The following CATSPERG variants were observed in gnomAD, a reference collection of about 807,000 sequenced individuals.
CATSPERG encodes cation channel sperm-associated auxiliary subunit gamma.
CATSPERG carries 115 observed loss-of-function variants against 145.0 expected under a neutral mutation model. That is an observed-to-expected ratio of 0.79 (90% confidence interval 0.68 to 0.93). The LOEUF (loss-of-function observed/expected upper bound fraction) is 0.93. Among genes scored for constraint, CATSPERG ranks in the 40% least tolerant of loss-of-function variants. The probability of loss-of-function intolerance (pLI) is 0.00; values close to 1 mark genes in which losing one functional copy is unlikely to be tolerated. For missense variants in CATSPERG, 1,296 were observed against 1,490.1 expected, an observed-to-expected ratio of 0.87 and a Z score of 2.14; for synonymous variants, 588 against 589.0, an observed-to-expected ratio of 1.00 and a Z score of 0.02.
At chr19:38,366,687 G>C (rs1340282747) in intron 22 of CATSPERG, 1 of 157,442 alleles carries the variant, frequency 6.4e-6, no homozygotes, top group Non-Finnish European at 1.4e-5. Context: ...GGAGAGAACA[G>C]GCAGGCTCTC....
chr19:38,362,871 GTTTTTTTTTTTTTTTT>G, intron 20 of CATSPERG, 39 bp downstream of exon 20: 10 of 451,882 alleles, frequency 2.2e-5, no homozygotes, highest in Non-Finnish European at 3.8e-5. Flanking sequence ...GGGAGGTTTT[GTTTTTTTTTTTTTTTT>G]TTTTTTTTGG....
At chr19:38,347,940 CAAAA>C (rs887808428) in intron 7 of CATSPERG, among the ~76,000 whole-genome samples, 12 of 102,552 alleles carry the variant, frequency 1.2e-4, no homozygotes, top group East Asian at 2.8e-4. Flanking sequence ...GACTCTGTCT[CAAAA>C]AAAAAAAAAA....
In CATSPERG at chr19:38,337,205, C is replaced by T. The variant is rs779165165; in HGVS notation, c.-14-16C>T. ...GAGCTGTCCGGCGCGTGGGTGTTGA[C>T]TCCTGCGTTCTCCAGGTTCTAGCCA... On this transcript the variant is annotated splice_polypyrimidine_tract_variant and intron_variant, in intron 1 of 28. Transcript: ENST00000409235. 256 of 1,547,870 alleles carry T rather than the reference C, an allele frequency of 1.7e-4. No homozygotes were observed. The highest frequency in any genetic ancestry group is 2.2e-4 in the Non-Finnish European group (247 of 1,145,308).
intron 20 of CATSPERG, 37 bp from the exon 21 acceptor site, chr19:38,364,854 C>T: frequency 6.6e-7 from 1 of 1,515,672 alleles, no homozygotes; most frequent in Non-Finnish European, 9.2e-7. Flanking sequence ...GACCTGTTCA[C>T]CCCTTCATTT....
intron 7 of CATSPERG, among the ~76,000 whole-genome samples, chr19:38,347,877 G>A (rs1970066563): frequency 6.6e-6 from 1 of 150,958 alleles, no homozygotes; most frequent in Admixed American, 6.6e-5. Context: ...GGAGGCGGAA[G>A]TTGCAGTGAG....
chr19:38,360,669 G>A, intron 15 of CATSPERG, 22 bp downstream of exon 15: 2 of 1,614,132 alleles, frequency 1.2e-6, no homozygotes, highest in Non-Finnish European at 1.7e-6. Context: ...AGCTATGCGG[G>A]GACATCGGGG....
chr19:38,356,559 A>G lies in CATSPERG; in HGVS notation c.1195+16A>G. 1 of 1,612,880 alleles carries G rather than the reference A, an allele frequency of 6.2e-7. No individual in the cohort carries two copies. Among genetic ancestry groups the G allele is most frequent in the Non-Finnish European group, 8.5e-7 (1 of 1,179,362 alleles). On this transcript the variant is annotated intron_variant, in intron 10 of 28. Coordinates refer to ENST00000409235, the MANE Select transcript of CATSPERG (RefSeq NM_021185.5). ...CAGATAGGAGGTACTCATTACCCCG[A>G]TGGGTCTGCGGTGGGAGGCTGGGGG...
At chr19:38,365,184 C>A in intron 22 of CATSPERG, 67 bp downstream of exon 22, 1 of 1,368,300 alleles carries the variant, frequency 7.3e-7, no homozygotes, top group Non-Finnish European at 1.0e-6. Context: ...CAGGGCTAAT[C>A]CCCCTGAGAA....
At position 38,362,575 on chromosome 19, in the gene CATSPERG, G is replaced by A; in HGVS notation, c.2356+1G>A. On this transcript the variant is annotated splice_donor_variant, in intron 19 of 28. Coordinates refer to ENST00000409235, the MANE Select transcript of CATSPERG (RefSeq NM_021185.5). LOFTEE classifies it high-confidence loss of function. ...TCGTTCCGGACGCAGTCAGAACTCG[G>A]TCTGCGCGGGACCAGAGTGGAGCCC... The A allele has an allele frequency of 1.2e-6, 2 of 1,613,856 alleles. No homozygotes were observed. Among genetic ancestry groups the A allele is most frequent in the South Asian group, 2.2e-5 (2 of 91,088 alleles).
At chr19:38,347,133 C>G (rs1458622618) in intron 7 of CATSPERG, among the ~76,000 whole-genome samples, 4 of 152,130 alleles carry the variant, frequency 2.6e-5, no homozygotes, top group Non-Finnish European at 4.4e-5. Flanking sequence ...ATTGCTTGAG[C>G]CTGGGACTTT....
At chr19:38,363,101 C>G (rs961952869) in intron 20 of CATSPERG, among the ~76,000 whole-genome samples, 2 of 151,990 alleles carry the variant, frequency 1.3e-5, no homozygotes, top group Admixed American at 6.6e-5. Context: ...TGCAATGGCA[C>G]GATCTCGGCT....
Position 38,366,348 on chromosome 19 carries a change from A to G in CATSPERG, c.2614-808A>G, listed in dbSNP as rs569961296. The G allele has an allele frequency of 2.0e-5, 3 of 152,410 alleles. No individual in the cohort carries two copies. In the East Asian group the frequency reaches 5.8e-4, roughly 29 times the overall value. 9.4% of individuals were successfully genotyped at this position (152,410 alleles called of 1,614,324 possible). A position where few individuals can be genotyped will look rare whatever the true frequency, so the allele number is the denominator to read the frequency against. Reference sequence around the variant, plus strand: ...TTGGGCAGTCAAAAGGGGTTGTAACAGCCCCCACCTCCTTAGAGTACATGA... The same window carrying G: ...TTGGGCAGTCAAAAGGGGTTGTAACGGCCCCCACCTCCTTAGAGTACATGA... On this transcript the variant is annotated intron_variant, in intron 22 of 28. Transcript: ENST00000409235.
At chr19:38,357,352 TAA>T (rs71165536) in intron 11 of CATSPERG, among the ~76,000 whole-genome samples, 3,229 of 115,476 alleles carry the variant, frequency 0.028, 55 homozygotes, top group South Asian at 0.059. Flanking sequence ...CTCTACAAAT[TAA>T]AAAAAAAAAA....
chr19:38,336,432 T>G (rs1600435903), intron 1 of CATSPERG: 7 of 293,018 alleles, frequency 2.4e-5, no homozygotes, highest in South Asian at 2.5e-5. Flanking sequence ...AAAGACCAAG[T>G]GGAGGAGTAG....
At chr19:38,367,953 A>G in intron 25 of CATSPERG, 95 bp from the exon 26 acceptor site, 1 of 1,240,746 alleles carries the variant, frequency 8.1e-7, no homozygotes, top group Non-Finnish European at 1.2e-6. Context: ...TGTCCCCTGC[A>G]CCCACCTGTG....
chr19:38,361,539 G>C (rs962938935), intron 16 of CATSPERG, 109 bp from the exon 17 acceptor site: 12 of 859,410 alleles, frequency 1.4e-5, no homozygotes, highest in South Asian at 3.2e-5. Context: ...AGGAAGATTC[G>C]GGCTGGATTC....
rs1349761171 is a variant in CATSPERG at position 38,370,943 on chromosome 19, A to T, written c.*151A>T. 11 of 767,750 alleles carry T rather than the reference A, an allele frequency of 1.4e-5. No homozygotes were observed. The highest frequency in any genetic ancestry group is 3.5e-5 in the African/African-American group (2 of 57,340). 47.6% of individuals were successfully genotyped at this position (767,750 alleles called of 1,614,324 possible). A position where few individuals can be genotyped will look rare whatever the true frequency, so the allele number is the denominator to read the frequency against. On this transcript the variant is annotated 3_prime_UTR_variant, in exon 29 of 29. Coordinates refer to ENST00000409235, the MANE Select transcript of CATSPERG (RefSeq NM_021185.5). ...GACTCAAATAAAGCCTTTTTTCAGG[A>T]CCAGCAGTGGGCTCTCTTAAAAGCT...
intron 2 of CATSPERG, 30 bp downstream of exon 2, chr19:38,337,534 G>A: frequency 3.2e-6 from 5 of 1,551,986 alleles, no homozygotes; most frequent in East Asian, 2.4e-5. Flanking sequence ...GTGAACCAGA[G>A]GGATTTTGAA....
rs1461215847 is a variant in CATSPERG, at chr19:38,362,382, T to C, written c.2164T>C (p.Tyr722His). 1 of 1,614,090 alleles carries C rather than the reference T, an allele frequency of 6.2e-7. No individual in the cohort carries two copies. The highest frequency in any genetic ancestry group is 1.3e-5 in the African/African-American group (1 of 74,950). ...CGCGCATCCGGTACCCCAGGATTAC[T>C]ACTTCTTCTTGGCGAGCAATTGGCG... is the stretch of plus-strand genomic sequence containing the variant. The part of the protein sequence containing the change: ...WANNKQDQDY[Y>H]FFLASNWRSA... Residue 722 changes from tyrosine to histidine, a missense_variant, in exon 19 of 29, where the codon TAC becomes CAC. Tyr to His is a moderately conservative substitution (Grantham distance 83). Transcript: ENST00000409235.
Sources: gnomAD v4.1 joint callset for allele counts (sites outside exome capture counted in the v4.1 genomes callset) on GRCh38, gnomAD v4.1.1 for gene constraint, MANE v1.5 for transcripts, NCBI Gene and HGNC (gene_info 2026-07-23, HGNC 2026-07-21) for gene names.